HS6ST1: variants seen among roughly 807,000 people sequenced by gnomAD.
HS6ST1 encodes the protein heparan sulfate 6-O-sulfotransferase 1.
A neutral mutation model predicts 25.2 loss-of-function variants in HS6ST1; 3 were observed. That is an observed-to-expected ratio of 0.12 (90% CI 0.05 to 0.31). The LOEUF is 0.31. HS6ST1 is among the 10% of genes least tolerant of loss of function. The pLI is 1.00. For synonymous variants in HS6ST1, 204 were observed against 275.1 expected (o/e 0.74, Z 2.56); for missense variants, 310 against 609.6 (o/e 0.51, Z 5.18).
rs1181492037 is a variant in HS6ST1, at chr2:128,285,227, C to A, written c.528-16357G>T. Among the ~76,000 whole-genome samples the A allele has an allele frequency of 1.3e-5, 2 of 152,202 alleles. 1 individual carries two copies. Among genetic ancestry groups the A allele is most frequent in the Admixed American group, 1.3e-4 (2 of 15,284 alleles). On this transcript the variant is annotated intron_variant, in intron 1 of 1. Transcript: ENST00000259241. ...TTCTACCCTTCTTCTTTGTAGCCTC[C>A]CAGCCAGGGGTCTGGTGGAGGTCTG...
intron 1 of HS6ST1, among the ~76,000 whole-genome samples, chr2:128,299,554 G>A (rs1269907695): frequency 6.6e-6 from 1 of 152,202 alleles, no homozygotes; most frequent in East Asian, 1.9e-4. Flanking sequence ...GCACATTGAG[G>A]CCCAGCCCCA....
At chr2:128,272,726 G>A (rs1693628170) in intron 1 of HS6ST1, among the ~76,000 whole-genome samples, 1 of 152,168 alleles carries the variant, frequency 6.6e-6, no homozygotes, top group Admixed American at 6.5e-5. Context: ...GGTTTTTTGT[G>A]TGTGAGCCAC....
rs4274545 is a variant in HS6ST1, at chr2:128,318,813, C to A, written c.-250G>T. ...GCTCCCGGCCCCGGCCAGCACAGCG[C>A]TCTCCGCGCCCCCAGCACCAGCCCG... is the stretch of plus-strand genomic sequence containing the variant. On this transcript the variant is annotated 5_prime_UTR_variant, in exon 1 of 2. Coordinates refer to ENST00000259241, the MANE Select transcript of HS6ST1 (RefSeq NM_004807.3). The surrounding 1 kb of genome is among the most constrained non-coding windows in gnomAD (Gnocchi z 5.7). Among the ~76,000 whole-genome samples, 40,411 of 146,916 alleles carry A rather than the reference C, an allele frequency of 0.28. 6,685 individuals are homozygous for A. Among genetic ancestry groups the A allele is most frequent in the East Asian group, 0.77 (3,829 of 4,946 alleles).
At chr2:128,282,946 G>C (rs1693809109) in intron 1 of HS6ST1, among the ~76,000 whole-genome samples, 1 of 152,204 alleles carries the variant, frequency 6.6e-6, no homozygotes, top group Non-Finnish European at 1.5e-5. Flanking sequence ...CAGGGGACCA[G>C]ACACCCTGGG....
At chr2:128,315,352 C>T (rs536588926) in intron 1 of HS6ST1, among the ~76,000 whole-genome samples, 12 of 152,302 alleles carry the variant, frequency 7.9e-5, no homozygotes, top group Admixed American at 5.2e-4. Context: ...GGCTGGCAGC[C>T]GGGAAGAGCC....
intron 1 of HS6ST1, among the ~76,000 whole-genome samples, chr2:128,312,189 C>A (rs840876): frequency 0.02 from 2,993 of 152,326 alleles, 110 homozygotes; most frequent in African/African-American, 0.065. Flanking sequence ...GCCTTCCATG[C>A]GCATGCAGGG....
chr2:128,284,661 T>C (rs1693835833), intron 1 of HS6ST1, among the ~76,000 whole-genome samples: 2 of 152,186 alleles, frequency 1.3e-5, no homozygotes, highest in Admixed American at 6.5e-5. Flanking sequence ...CTAATTTTTG[T>C]ATTTTTAGTA....
chr2:128,284,029 A>G (rs1044419214), intron 1 of HS6ST1, among the ~76,000 whole-genome samples: 2 of 152,182 alleles, frequency 1.3e-5, no homozygotes, highest in Non-Finnish European at 2.9e-5. Flanking sequence ...GAGCTGGAGC[A>G]GGGGGGCTGA....
chr2:128,315,291 T>C (rs1029550769), intron 1 of HS6ST1, among the ~76,000 whole-genome samples: 54 of 152,246 alleles, frequency 3.5e-4, no homozygotes, highest in African/African-American at 1.3e-3. Flanking sequence ...CCTGTCCATC[T>C]CCATGGATGC....
chr2:128,291,854 A>C (rs1355647110), intron 1 of HS6ST1, among the ~76,000 whole-genome samples: 1 of 152,232 alleles, frequency 6.6e-6, no homozygotes, highest in Non-Finnish European at 1.5e-5. Flanking sequence ...CTCTTCCCCA[A>C]GGGCATACAC....
At chr2:128,284,591 CCT>C (rs1693834796) in intron 1 of HS6ST1, among the ~76,000 whole-genome samples, 1 of 151,016 alleles carries the variant, frequency 6.6e-6, no homozygotes, top group South Asian at 2.1e-4. Flanking sequence ...ACCTTTGCCT[CCT>C]GGGCTCAAGC....
intron 1 of HS6ST1, among the ~76,000 whole-genome samples, chr2:128,300,538 C>A (rs965750445): frequency 2.0e-5 from 3 of 152,218 alleles, no homozygotes; most frequent in African/African-American, 7.2e-5. Flanking sequence ...AGCTGAGCAG[C>A]TCCAGTCCCT....
At chr2:128,311,223 A>G (rs926938269) in intron 1 of HS6ST1, among the ~76,000 whole-genome samples, 1 of 152,208 alleles carries the variant, frequency 6.6e-6, no homozygotes, top group Non-Finnish European at 1.5e-5. Context: ...AGAAGGCAAG[A>G]ACAGTCTTAA....
At chr2:128,292,701 A>G (rs1282633001) in intron 1 of HS6ST1, among the ~76,000 whole-genome samples, 8 of 144,644 alleles carry the variant, frequency 5.5e-5, no homozygotes, top group Non-Finnish European at 1.2e-4. Flanking sequence ...CAGGGCATTC[A>G]GTGTGCAGCA....
intron 1 of HS6ST1, among the ~76,000 whole-genome samples, chr2:128,304,426 A>C (rs1694177255): frequency 6.6e-6 from 1 of 152,208 alleles, no homozygotes; most frequent in Non-Finnish European, 1.5e-5. Flanking sequence ...GCCCCTCAGG[A>C]CCAGGACCAC....
intron 1 of HS6ST1, among the ~76,000 whole-genome samples, chr2:128,284,163 C>T (rs563404039): frequency 1.3e-5 from 2 of 152,268 alleles, no homozygotes; most frequent in East Asian, 1.9e-4. Context: ...GGACCCTGCT[C>T]TCAGGCTCCC....
At chr2:128,268,931 G>T in intron 1 of HS6ST1, 61 bp from the exon 2 acceptor site, 2 of 1,421,960 alleles carry the variant, frequency 1.4e-6, no homozygotes, top group Non-Finnish European at 2.0e-6. Flanking sequence ...GGCTACCAGG[G>T]CTGCTCTGAG....
At chr2:128,283,898 C>G (rs977826332) in intron 1 of HS6ST1, among the ~76,000 whole-genome samples, 6 of 152,236 alleles carry the variant, frequency 3.9e-5, no homozygotes, top group Non-Finnish European at 8.8e-5. Flanking sequence ...ACTCCTGGGA[C>G]TGTGGAGATT....
At chr2:128,291,826 C>T (rs1213125555) in intron 1 of HS6ST1, among the ~76,000 whole-genome samples, 4 of 152,240 alleles carry the variant, frequency 2.6e-5, no homozygotes, top group South Asian at 2.1e-4. Context: ...GGGGCGCCGG[C>T]GGGCATCTGT....
Sources: allele counts gnomAD v4.1 joint callset (sites outside exome capture counted in the v4.1 genomes callset), GRCh38; gene constraint gnomAD v4.1.1; non-coding constraint Gnocchi (gnomAD v3.1); transcripts MANE v1.5; gene names NCBI Gene and HGNC (gene_info 2026-07-23, HGNC 2026-07-21).